FAT4: variants seen among roughly 807,000 people sequenced by gnomAD.
The protein encoded by FAT4 is protocadherin Fat 4.
A neutral mutation model predicts 303.9 loss-of-function variants in FAT4; 84 were observed. The ratio of observed to expected loss-of-function variants is 0.28; its 90% CI spans 0.23 to 0.33. FAT4 has a LOEUF of 0.33. FAT4 is among the 10% of genes least tolerant of loss of function. The pLI, the probability that FAT4 is intolerant of heterozygous loss-of-function variation, is 1.00. For missense variants in FAT4, 6,005 were observed against 6,146.8 expected, an observed-to-expected ratio of 0.98 and a Z score of 0.77; for synonymous variants, 2,307 against 2,298.8, an observed-to-expected ratio of 1.00 and a Z score of -0.10.
intron 7 of FAT4, among the ~76,000 whole-genome samples, chr4:125,418,440 A>G (rs182721446): frequency 6.6e-6 from 1 of 152,294 alleles, no homozygotes; most frequent in African/African-American, 2.4e-5. Context: ...CTGCATGGTT[A>G]CAGAGTAGCA....
rs777290605 is a variant in FAT4 at position 125,317,149 on chromosome 4, C to A, written c.738C>A (p.Asn246Lys). ...VNVTVQDINDNPPVFGSSHYQ... is the reference protein window; with the variant it reads ...VNVTVQDINDKPPVFGSSHYQ... ...TGACTGTGCAAGACATTAATGACAA[C>A]CCCCCGGTTTTTGGCAGTTCTCACT... Residue 246 changes from asparagine (N) to lysine (K), a missense_variant, in exon 2 of 18, where the codon AAC becomes AAA. Coordinates refer to ENST00000394329, the MANE Select transcript of FAT4 (RefSeq NM_001291303.3). This position sits in a 1 kb window ranked among gnomAD's most constrained non-coding sequence, Gnocchi z 7.0. 1.9e-6 allele frequency: 3 copies of A among 1,610,190 alleles called. No homozygotes were observed. The highest frequency in any genetic ancestry group is 1.7e-5 in the Admixed American group (1 of 59,930).
At chr4:125,393,048 A>G (rs1734032468) in intron 2 of FAT4, among the ~76,000 whole-genome samples, 1 of 152,232 alleles carries the variant, frequency 6.6e-6, no homozygotes, top group South Asian at 2.1e-4. Context: ...TACAAAAAGT[A>G]TTAGTATGTT....
At chr4:125,385,014 ATATATATATATTTT>A (rs1164480410) in intron 2 of FAT4, among the ~76,000 whole-genome samples, 8 of 61,452 alleles carry the variant, frequency 1.3e-4, no homozygotes, top group African/African-American at 3.9e-4. Flanking sequence ...ATATATATAT[ATATATATATATTTT>A]TTTTTTTTTT....
rs200354953 is a variant in FAT4 at position 125,406,996 on chromosome 4, C to T, written c.5424C>T (p.Ser1808=). 20 of 1,613,818 alleles carry T rather than the reference C, an allele frequency of 1.2e-5. No homozygotes were observed. Among genetic ancestry groups the T allele is most frequent in the Non-Finnish European group, 1.7e-5 (20 of 1,179,850 alleles). ...ATRRLDRERR[S]KYSLLVRADD... is the part of the protein sequence containing the mutation. The stretch of plus-strand genomic sequence containing the variant: ...GGCGGTTGGACAGGGAACGCCGCTC[C>T]AAATATTCACTGCTAGTTCGTGCTG... The change falls in exon 4 of 18, where the codon TCC becomes TCT. Residue 1808 remains serine, a synonymous_variant. Transcript: ENST00000394329.
intron 3 of FAT4, among the ~76,000 whole-genome samples, chr4:125,404,256 C>T (rs1253452004): frequency 6.6e-6 from 1 of 151,968 alleles, no homozygotes; most frequent in East Asian, 1.9e-4. Context: ...CTCTTGGGCC[C>T]CAACTGTATT....
At chr4:125,475,928 G>A (rs568412095) in intron 12 of FAT4, among the ~76,000 whole-genome samples, 103 of 152,074 alleles carry the variant, frequency 6.8e-4, no homozygotes, top group African/African-American at 2.5e-3. Flanking sequence ...AGCAGGAGAG[G>A]ATTTTTAAAG....
At chr4:125,426,541 C>G (rs571007571) in intron 7 of FAT4, among the ~76,000 whole-genome samples, 1 of 152,004 alleles carries the variant, frequency 6.6e-6, no homozygotes, top group Admixed American at 6.5e-5. Flanking sequence ...TGTTAGTGAT[C>G]TAAATATTAT....
At chr4:125,324,079 G>A (rs1402444556) in intron 2 of FAT4, among the ~76,000 whole-genome samples, 1 of 152,158 alleles carries the variant, frequency 6.6e-6, no homozygotes, top group Non-Finnish European at 1.5e-5. Flanking sequence ...TATATCCAAA[G>A]ATTTGGCATT....
Position 125,464,482 on chromosome 4 carries a change from T to C in FAT4, c.11905+815T>C, listed in dbSNP as rs540224159. ...GAATCCATCTCCAAATGACTCTGTCTCTTTTCTTTTTTTTTTTGTCCCCTT... is the reference window on the plus strand; with the variant it reads ...GAATCCATCTCCAAATGACTCTGTCCCTTTTCTTTTTTTTTTTGTCCCCTT... On this transcript the variant is annotated intron_variant, in intron 11 of 17. Transcript: ENST00000394329. 9.9e-5 allele frequency among the ~76,000 whole-genome samples: 14 copies of C among 141,036 alleles called. No homozygotes were observed. In the South Asian group the frequency reaches 3.3e-3, roughly 33 times the overall value. 92.5% of individuals were successfully genotyped at this position (141,036 alleles called of 152,430 possible).
chr4:125,346,093 A>AT (rs1210583281), intron 2 of FAT4, among the ~76,000 whole-genome samples: 1 of 152,086 alleles, frequency 6.6e-6, no homozygotes, highest in African/African-American at 2.4e-5. Context: ...TGACACTTTA[A>AT]TAAAGTCATT....
chr4:125,370,066 T>C (rs1733047569), intron 2 of FAT4, among the ~76,000 whole-genome samples: 1 of 152,020 alleles, frequency 6.6e-6, no homozygotes, highest in South Asian at 2.1e-4. Context: ...TATTGGGTTT[T>C]AATATTACAC....
chr4:125,423,599 G>C (rs1040808244), intron 7 of FAT4, among the ~76,000 whole-genome samples: 1 of 152,208 alleles, frequency 6.6e-6, no homozygotes, highest in African/African-American at 2.4e-5. Flanking sequence ...ATATATGCCT[G>C]CTGGGGCATT....
At chr4:125,352,584 T>C (rs191656854) in intron 2 of FAT4, among the ~76,000 whole-genome samples, 153 of 151,888 alleles carry the variant, frequency 1.0e-3, no homozygotes, top group South Asian at 2.7e-3. Context: ...TGTTACTTTT[T>C]AAGCCTATTG....
At chr4:125,386,233 T>C (rs543653651) in intron 2 of FAT4, among the ~76,000 whole-genome samples, 1 of 152,162 alleles carries the variant, frequency 6.6e-6, no homozygotes, top group African/African-American at 2.4e-5. Context: ...AATGTTTCAC[T>C]GTTTGAAACT....
intron 2 of FAT4, among the ~76,000 whole-genome samples, chr4:125,354,309 A>G (rs1732346016): frequency 6.6e-6 from 1 of 151,758 alleles, no homozygotes; most frequent in Admixed American, 6.6e-5. Context: ...AACACTCAAC[A>G]TGTACTTTAT....
rs199667416 is a variant in FAT4 at position 125,360,981 on chromosome 4, TTTA to T, written c.5176-37800_5176-37798del. Among the ~76,000 whole-genome samples the T allele has an allele frequency of 3.7e-3, 549 of 147,574 alleles. 1 individual carries two copies. The highest frequency in any genetic ancestry group is 0.013 in the African/African-American group (524 of 40,878). ...TATTTATATTTTTATTATTATTTAT[TTTA>T]TTTATTTATTATTTATAAATATTTA... On this transcript the variant is annotated intron_variant, in intron 2 of 17. Coordinates refer to ENST00000394329, the MANE Select transcript of FAT4 (RefSeq NM_001291303.3).
At chr4:125,466,389 A>G (rs907845393) in intron 11 of FAT4, among the ~76,000 whole-genome samples, 2 of 151,988 alleles carry the variant, frequency 1.3e-5, no homozygotes, top group African/African-American at 2.4e-5. Context: ...TTATAGATTT[A>G]TTGAAGTTTA....
chr4:125,374,749 A>G (rs899156273), intron 2 of FAT4, among the ~76,000 whole-genome samples: 2 of 152,162 alleles, frequency 1.3e-5, no homozygotes, highest in Admixed American at 6.6e-5. Flanking sequence ...TCTCCACTCA[A>G]TGAATACAAG....
At chr4:125,427,484 G>A (rs11098812) in intron 7 of FAT4, among the ~76,000 whole-genome samples, 76,085 of 151,756 alleles carry the variant, frequency 0.5, 19,474 homozygotes, top group South Asian at 0.64. Flanking sequence ...CTAATTAGCA[G>A]CAATACATTA....
Sources: allele counts gnomAD v4.1 joint callset (sites outside exome capture counted in the v4.1 genomes callset), GRCh38; gene constraint gnomAD v4.1.1; non-coding constraint Gnocchi (gnomAD v3.1); transcripts MANE v1.5; gene names NCBI Gene and HGNC (gene_info 2026-07-23, HGNC 2026-07-21).